Variants in CHN2 observed in about 807,000 individuals in gnomAD.
CHN2 encodes beta-chimaerin.
Under a neutral mutation model 56.3 loss-of-function variants are expected in CHN2, and 35 were observed. The ratio of observed to expected loss-of-function variants is 0.62; its 90% CI spans 0.47 to 0.82. The LOEUF (loss-of-function observed/expected upper bound fraction) is 0.82, where lower values mean the gene tolerates loss of function less well. Among genes scored for constraint, CHN2 ranks in the 40% least tolerant of loss-of-function variants. The pLI is 0.00. For synonymous variants in CHN2, 210 were observed against 212.8 expected, an observed-to-expected ratio of 0.99 and a Z score of 0.12; for missense variants, 491 against 580.5, an observed-to-expected ratio of 0.85 and a Z score of 1.58.
intron 1 of CHN2, among the ~76,000 whole-genome samples, chr7:29,263,640 G>A (rs1047262966): frequency 8.0e-5 from 12 of 150,036 alleles, no homozygotes; most frequent in African/African-American, 2.5e-4. Context: ...CTGCCCGGCC[G>A]CCCAGTATGG....
chr7:29,477,508 A>G (rs1394838875), intron 6 of CHN2, among the ~76,000 whole-genome samples: 1 of 152,210 alleles, frequency 6.6e-6, no homozygotes, highest in Non-Finnish European at 1.5e-5. Flanking sequence ...AGTCCACATC[A>G]CAGAATTTGC....
At chr7:29,261,894 G>A (rs577382826) in intron 1 of CHN2, among the ~76,000 whole-genome samples, 1 of 152,218 alleles carries the variant, frequency 6.6e-6, no homozygotes, top group Non-Finnish European at 1.5e-5. Context: ...TGCACCAGGC[G>A]TGGTGGGTTA....
At chr7:29,329,030 G>A (rs1796012481) in intron 1 of CHN2, among the ~76,000 whole-genome samples, 1 of 152,076 alleles carries the variant, frequency 6.6e-6, no homozygotes. Flanking sequence ...TACTTAAAAG[G>A]GCCACATGGA....
chr7:29,404,805 T>A (rs528587255), intron 6 of CHN2, among the ~76,000 whole-genome samples: 29 of 152,226 alleles, frequency 1.9e-4, no homozygotes, highest in Non-Finnish European at 3.5e-4. Flanking sequence ...GCTCAAGCGA[T>A]CCTCCCATCT....
intron 1 of CHN2, among the ~76,000 whole-genome samples, chr7:29,299,929 G>A (rs1793517717): frequency 6.6e-6 from 1 of 152,184 alleles, no homozygotes; most frequent in African/African-American, 2.4e-5. Flanking sequence ...CATGGGCATG[G>A]GGAAATGGGA....
At chr7:29,218,257 A>G (rs930178448) in intron 1 of CHN2, among the ~76,000 whole-genome samples, 55 of 146,122 alleles carry the variant, frequency 3.8e-4, no homozygotes, top group African/African-American at 1.4e-3. Context: ...CATAAATACC[A>G]GACAGCCAAA....
chr7:29,204,061 CTCTCTCTGTGTGTGTGTGTGTGTG>C (rs1159964785), intron 1 of CHN2, among the ~76,000 whole-genome samples: 1 of 108,354 alleles, frequency 9.2e-6, no homozygotes, highest in Non-Finnish European at 1.8e-5. Context: ...ACGTTTTTCT[CTCTCTCTGTGTGTGTGTGTGTGTG>C]TGTGTGTGTG....
chr7:29,182,786 T>C (rs1396585697), intron 2 of CHN2, among the ~76,000 whole-genome samples: 2 of 152,226 alleles, frequency 1.3e-5, no homozygotes, highest in Non-Finnish European at 1.5e-5. Context: ...GGTAGGCTTA[T>C]AGGAAATTAA....
chr7:29,293,546 C>T (rs1367751026), intron 1 of CHN2, among the ~76,000 whole-genome samples: 1 of 152,158 alleles, frequency 6.6e-6, no homozygotes, highest in Non-Finnish European at 1.5e-5. Context: ...TTACATCACG[C>T]TCCTCTCTCC....
At chr7:29,332,764 G>T (rs1003916102) in intron 1 of CHN2, 3 of 152,126 alleles carry the variant, frequency 2.0e-5, no homozygotes, top group Non-Finnish European at 2.9e-5. Flanking sequence ...TAATGTAAGT[G>T]CTCTGAGCAC....
At chr7:29,197,304 T>C (rs767261701) in intron 1 of CHN2, among the ~76,000 whole-genome samples, 2 of 152,224 alleles carry the variant, frequency 1.3e-5, no homozygotes, top group Non-Finnish European at 2.9e-5. Context: ...TAGGATTCCC[T>C]CTAGCTCTGA....
At chr7:29,334,303 G>A (rs1250189578) in intron 1 of CHN2, among the ~76,000 whole-genome samples, 1 of 151,824 alleles carries the variant, frequency 6.6e-6, no homozygotes, top group East Asian at 1.9e-4. Context: ...CACTCGCCTT[G>A]GCCTCCCAAA....
intron 1 of CHN2, among the ~76,000 whole-genome samples, chr7:29,315,783 C>T (rs1037676668): frequency 4.6e-5 from 7 of 152,082 alleles, no homozygotes; most frequent in Non-Finnish European, 8.8e-5. Context: ...CCTTAGGAAT[C>T]TTGCCTGCTA....
intron 1 of CHN2, among the ~76,000 whole-genome samples, chr7:29,251,445 T>A (rs1052915351): frequency 7.9e-5 from 12 of 152,092 alleles, no homozygotes; most frequent in Non-Finnish European, 1.3e-4. Flanking sequence ...CAGAGCAAGA[T>A]TCTGTCTGAA....
intron 6 of CHN2, among the ~76,000 whole-genome samples, chr7:29,435,341 C>T (rs1240646672): frequency 6.6e-6 from 1 of 152,198 alleles, no homozygotes; most frequent in African/African-American, 2.4e-5. Flanking sequence ...GGTCCCAGCT[C>T]AGACTTTCTG....
chr7:29,207,351 G>A (rs909183249), intron 1 of CHN2, among the ~76,000 whole-genome samples: 2 of 151,846 alleles, frequency 1.3e-5, no homozygotes, highest in Non-Finnish European at 2.9e-5. Context: ...ATCTTTTTCT[G>A]CAGCCAGCCC....
At chr7:29,260,183 G>C (rs1306379315) in intron 1 of CHN2, among the ~76,000 whole-genome samples, 1 of 152,010 alleles carries the variant, frequency 6.6e-6, no homozygotes, top group East Asian at 1.9e-4. Flanking sequence ...CACCATGTTG[G>C]CCAGGCTGGT....
chr7:29,245,295 G>A (rs1043717744), intron 1 of CHN2, among the ~76,000 whole-genome samples: 1 of 152,146 alleles, frequency 6.6e-6, no homozygotes, highest in Non-Finnish European at 1.5e-5. Flanking sequence ...TCTCTTCAAT[G>A]TCTAATCAGG....
At chr7:29,303,781 C>T (rs543733431) in intron 1 of CHN2, among the ~76,000 whole-genome samples, 35 of 152,272 alleles carry the variant, frequency 2.3e-4, no homozygotes, top group Middle Eastern at 6.8e-3. Context: ...GAAAGCAGGC[C>T]GGGCATGGTG....
Sources: allele counts gnomAD v4.1 joint callset (sites outside exome capture counted in the v4.1 genomes callset), GRCh38; gene constraint gnomAD v4.1.1; transcripts MANE v1.5; gene names NCBI Gene and HGNC (gene_info 2026-07-23, HGNC 2026-07-21).